ATXN10: variants seen among roughly 807,000 people sequenced by gnomAD.
ATXN10 encodes the protein ataxin 10.
ATXN10 carries 28 observed loss-of-function variants against 52.9 expected under a neutral mutation model. The observed-to-expected ratio is 0.53, with a 90% confidence interval of 0.39 to 0.73. The LOEUF is 0.73. Ranked by LOEUF, ATXN10 falls within the 30% of genes least tolerant of loss-of-function variation. The pLI is 0.00. For synonymous variants in ATXN10, 226 were observed against 221.5 expected (o/e 1.02, Z -0.18); for missense variants, 565 against 577.0 (o/e 0.98, Z 0.21).
At position 45,844,718 on chromosome 22, in the gene ATXN10, T is replaced by G. The variant is rs1252484579; in HGVS notation, c.*1047T>G. On this transcript the variant is annotated 3_prime_UTR_variant, in exon 12 of 12. Transcript: ENST00000252934. ...CACGTTGTGAATGCTTAAAACATAT[T>G]ATTTTCTTCAACAACCATATCGCTA... is the stretch of plus-strand genomic sequence containing the variant. 6.6e-6 allele frequency: 1 copy of G among 152,196 alleles called. No individual in the cohort carries two copies. The highest frequency in any genetic ancestry group is 1.5e-5 in the Non-Finnish European group (1 of 68,038). 9.4% of individuals were successfully genotyped at this position (152,196 alleles called of 1,614,324 possible). A position where few individuals can be genotyped will look rare whatever the true frequency, so the allele number is the denominator to read the frequency against.
rs1555890579 is a variant in ATXN10 at position 45,727,331 on chromosome 22, A to ATCTATATCTATCTATC, written c.729-2093_729-2092insCTATATCTATCTATCT. On this transcript the variant is annotated intron_variant, in intron 6 of 11. Coordinates refer to ENST00000252934, the MANE Select transcript of ATXN10 (RefSeq NM_013236.4). This position sits in a 1 kb window ranked among gnomAD's most constrained non-coding sequence, Gnocchi z 4.6. ...GTTCTGTCTGTCTGTCTATCTATCT[A>ATCTATATCTATCTATC]TATCTATCTATCTATCTATCTATCT... Among the ~76,000 whole-genome samples, 1 of 146,678 alleles carries ATCTATATCTATCTATC rather than the reference A, an allele frequency of 6.8e-6. No individual in the cohort carries two copies. The highest frequency in any genetic ancestry group is 2.6e-5 in the African/African-American group (1 of 39,208).
At chr22:45,804,340 A>G (rs908963713) in intron 9 of ATXN10, among the ~76,000 whole-genome samples, 1 of 152,256 alleles carries the variant, frequency 6.6e-6, no homozygotes, top group Non-Finnish European at 1.5e-5. Flanking sequence ...TGCCTAGTAT[A>G]TGCCAGGTGT....
rs1027675683 is a variant in ATXN10, at chr22:45,820,664, T to G, written c.1237+13642T>G. 6.6e-6 allele frequency among the ~76,000 whole-genome samples: 1 copy of G among 152,234 alleles called. No individual in the cohort carries two copies. The highest frequency in any genetic ancestry group is 1.5e-5 in the Non-Finnish European group (1 of 68,036). On this transcript the variant is annotated intron_variant, in intron 10 of 11. Transcript: ENST00000252934. This position sits in a 1 kb window ranked among gnomAD's most constrained non-coding sequence, Gnocchi z 4.9. The stretch of plus-strand genomic sequence containing the variant: ...TGCTCACCTTTTCAACTCTTACCAT[T>G]CTTTAGTCTTAAAATCTTCATTGAG...
intron 9 of ATXN10, among the ~76,000 whole-genome samples, chr22:45,801,772 G>A (rs1927939233): frequency 6.6e-6 from 1 of 152,200 alleles, no homozygotes; most frequent in South Asian, 2.1e-4. Context: ...TTCAAATGTG[G>A]ATGGTAAAGG....
chr22:45,713,895 A>G (rs1041044383), intron 5 of ATXN10, among the ~76,000 whole-genome samples: 1 of 152,084 alleles, frequency 6.6e-6, no homozygotes, highest in African/African-American at 2.4e-5. Context: ...TCTCTTCTCT[A>G]TGGGCATTCT....
intron 9 of ATXN10, among the ~76,000 whole-genome samples, chr22:45,777,823 C>T (rs1927013506): frequency 6.6e-6 from 1 of 152,234 alleles, no homozygotes; most frequent in Admixed American, 6.5e-5. Context: ...TGAGATTCTG[C>T]TTTATAGCCT....
intron 5 of ATXN10, among the ~76,000 whole-genome samples, chr22:45,710,012 A>G (rs1317504518): frequency 6.6e-6 from 1 of 152,186 alleles, no homozygotes; most frequent in Non-Finnish European, 1.5e-5. Flanking sequence ...TTTCATTGCT[A>G]CTGCCAGAAC....
At chr22:45,748,984 C>T (rs932253682) in intron 9 of ATXN10, among the ~76,000 whole-genome samples, 2 of 152,128 alleles carry the variant, frequency 1.3e-5, no homozygotes, top group Non-Finnish European at 2.9e-5. Context: ...ATGTCTTGTT[C>T]TACAATAATT....
Position 45,727,155 on chromosome 22 carries a change from CTT to C in ATXN10, c.729-2267_729-2266del, listed in dbSNP as rs1924903998. On this transcript the variant is annotated intron_variant, in intron 6 of 11. Coordinates refer to ENST00000252934, the MANE Select transcript of ATXN10 (RefSeq NM_013236.4). The surrounding 1 kb of genome is among the most constrained non-coding windows in gnomAD (Gnocchi z 4.6). ...CTCTGTTATCATTTATTTTGAATAA[CTT>C]TTAAATGTCCGTCTTGATTTCATTG... 6.6e-6 allele frequency among the ~76,000 whole-genome samples: 1 copy of C among 152,144 alleles called. No homozygotes were observed. The highest frequency in any genetic ancestry group is 2.1e-4 in the South Asian group (1 of 4,832).
At chr22:45,811,658 T>C (rs1928284318) in intron 10 of ATXN10, 2 of 464,986 alleles carry the variant, frequency 4.3e-6, no homozygotes, top group Non-Finnish European at 4.5e-6. Flanking sequence ...GAGTACATTC[T>C]GTGATGTTCA....
intron 7 of ATXN10, 197 bp downstream of exon 7, chr22:45,729,787 T>C: frequency 1.5e-6 from 1 of 667,926 alleles, no homozygotes; most frequent in Non-Finnish European, 2.6e-6. Context: ...AGTCAATGAC[T>C]TAGGCAAATT....
chr22:45,827,460 T>C (rs1193513870), intron 10 of ATXN10, among the ~76,000 whole-genome samples: 1 of 151,860 alleles, frequency 6.6e-6, no homozygotes, highest in East Asian at 1.9e-4. Context: ...AATAAGAGGA[T>C]AGAAAAAGAT....
At position 45,734,098 on chromosome 22, in the gene ATXN10, C is replaced by T. The variant is rs536928591; in HGVS notation, c.894+4508C>T. ...TGCTTTTTTTTTCTTTTAACCTTTA[C>T]AAATAATGTTATAGTGAACATCCTT... On this transcript the variant is annotated intron_variant, in intron 7 of 11. Transcript: ENST00000252934. Among the ~76,000 whole-genome samples the T allele has an allele frequency of 9.7e-4, 148 of 151,820 alleles. 1 individual carries two copies. Among genetic ancestry groups the T allele is most frequent in the Non-Finnish European group, 3.1e-4 (21 of 67,936 alleles).
chr22:45,712,365 A>G lies in ATXN10; in HGVS notation c.648-6048A>G, dbSNP rs780159947. ...TTGGCGAATGCATGTCCTTTTCATT[A>G]TCTGCTTTTGCTTCAGGAGGGAAAC... On this transcript the variant is annotated intron_variant, in intron 5 of 11. Coordinates refer to ENST00000252934, the MANE Select transcript of ATXN10 (RefSeq NM_013236.4). The surrounding 1 kb of genome is among the most constrained non-coding windows in gnomAD (Gnocchi z 4.6). 1.3e-5 allele frequency among the ~76,000 whole-genome samples: 2 copies of G among 152,212 alleles called. No individual in the cohort carries two copies. The highest frequency in any genetic ancestry group is 1.5e-5 in the Non-Finnish European group (1 of 68,022).
chr22:45,751,740 G>GGAAAAA (rs1555892667), intron 9 of ATXN10, among the ~76,000 whole-genome samples: 1 of 45,500 alleles, frequency 2.2e-5, no homozygotes, highest in Non-Finnish European at 3.7e-5. Context: ...CCTTTTTCTG[G>GGAAAAA]AAAAAAAAAA....
chr22:45,723,430 TG>T (rs1367618563), intron 6 of ATXN10, among the ~76,000 whole-genome samples: 3 of 151,898 alleles, frequency 2.0e-5, no homozygotes, highest in Non-Finnish European at 2.9e-5. Flanking sequence ...GTCACATGGA[TG>T]GGTTGTATAG....
In ATXN10 at chr22:45,837,004, A is replaced by G. The variant is rs761036219; in HGVS notation, c.1238-5987A>G. On this transcript the variant is annotated intron_variant, in intron 10 of 11. Transcript: ENST00000252934. This position sits in a 1 kb window ranked among gnomAD's most constrained non-coding sequence, Gnocchi z 5.8. ...AATTGTGCGCCCCTCCCTGCTCCACAGCGTACTTTGGAAAGCCCTGCAGCA... is the reference window on the plus strand; with the variant it reads ...AATTGTGCGCCCCTCCCTGCTCCACGGCGTACTTTGGAAAGCCCTGCAGCA... Among the ~76,000 whole-genome samples the G allele has an allele frequency of 3.9e-5, 6 of 152,192 alleles. No homozygotes were observed. Among genetic ancestry groups the G allele is most frequent in the Non-Finnish European group, 4.4e-5 (3 of 68,028 alleles).
chr22:45,814,040 A>T (rs568397866), intron 10 of ATXN10, among the ~76,000 whole-genome samples: 2 of 152,340 alleles, frequency 1.3e-5, no homozygotes, highest in South Asian at 4.1e-4. Context: ...ATCCTAACTC[A>T]CACCATTCAG....
chr22:45,830,621 T>C (rs1031992184), intron 10 of ATXN10, among the ~76,000 whole-genome samples: 9 of 150,818 alleles, frequency 6.0e-5, no homozygotes, highest in Non-Finnish European at 1.0e-4. Context: ...TCACTAATCA[T>C]GAGGAAAATG....
Sources: gnomAD v4.1 joint callset for allele counts (sites outside exome capture counted in the v4.1 genomes callset) on GRCh38, gnomAD v4.1.1 for gene constraint, Gnocchi (gnomAD v3.1) non-coding constraint, MANE v1.5 for transcripts, NCBI Gene and HGNC (gene_info 2026-07-23, HGNC 2026-07-21) for gene names.